RAD51B: variants seen among roughly 807,000 people sequenced by gnomAD.
RAD51B encodes the protein DNA repair protein RAD51 homolog 2.
RAD51B carries 38 observed loss-of-function variants against 42.2 expected under a neutral mutation model. The ratio of observed to expected loss-of-function variants is 0.90; its 90% confidence interval spans 0.70 to 1.18. The LOEUF (loss-of-function observed/expected upper bound fraction) is 1.18, where lower values mean the gene tolerates loss of function less well. Among genes scored for constraint, RAD51B ranks in the 50% most tolerant of loss-of-function variants. RAD51B has a pLI of 0.00. For missense variants in RAD51B, 373 were observed against 400.7 expected (o/e 0.93, Z 0.59); for synonymous variants, 154 against 145.2 (o/e 1.06, Z -0.43).
At chr14:67,992,528 T>C (rs1025098006) in intron 7 of RAD51B, among the ~76,000 whole-genome samples, 1 of 152,220 alleles carries the variant, frequency 6.6e-6, no homozygotes, top group African/African-American at 2.4e-5. Context: ...AGATTCAGTC[T>C]ACTCTTTTTG....
At chr14:68,395,075 G>A (rs2083875120) in intron 8 of RAD51B, among the ~76,000 whole-genome samples, 1 of 152,038 alleles carries the variant, frequency 6.6e-6, no homozygotes, top group South Asian at 2.1e-4. Context: ...AGGCTTTGAG[G>A]GCCACATTCT....
At chr14:68,324,734 T>A (rs2082218204) in intron 8 of RAD51B, among the ~76,000 whole-genome samples, 2 of 152,228 alleles carry the variant, frequency 1.3e-5, no homozygotes, top group Non-Finnish European at 2.9e-5. Flanking sequence ...TTTCAAAGTC[T>A]CTGGATTCCT....
chr14:68,239,967 G>C (rs1412177175), intron 7 of RAD51B, among the ~76,000 whole-genome samples: 1 of 152,182 alleles, frequency 6.6e-6, no homozygotes, highest in Non-Finnish European at 1.5e-5. Flanking sequence ...TTTTTACACA[G>C]TCTGTCCATC....
At chr14:67,946,552 G>C (rs1437430547) in intron 7 of RAD51B, among the ~76,000 whole-genome samples, 5 of 152,172 alleles carry the variant, frequency 3.3e-5, no homozygotes, top group Non-Finnish European at 7.4e-5. Flanking sequence ...ATTTTTAGTA[G>C]AGACATGGTT....
At chr14:68,013,243 T>A (rs572044945) in intron 7 of RAD51B, among the ~76,000 whole-genome samples, 47 of 152,306 alleles carry the variant, frequency 3.1e-4, no homozygotes, top group African/African-American at 1.0e-3. Flanking sequence ...GTAGAGTGTC[T>A]GGGTTCCTCA....
chr14:67,876,182 T>C (rs2042720279), intron 5 of RAD51B, among the ~76,000 whole-genome samples: 1 of 350 alleles, frequency 2.9e-3, no homozygotes, highest in Non-Finnish European at 5.7e-3. Flanking sequence ...TATTCAGTAA[T>C]ATATATTGAA....
chr14:68,024,344 T>G (rs1255607262), intron 7 of RAD51B, among the ~76,000 whole-genome samples: 2 of 152,248 alleles, frequency 1.3e-5, no homozygotes, highest in African/African-American at 4.8e-5. Context: ...ATATGAATTT[T>G]AGAATAGTTT....
chr14:68,314,032 C>T (rs893826421), intron 8 of RAD51B, among the ~76,000 whole-genome samples: 3 of 152,080 alleles, frequency 2.0e-5, no homozygotes, highest in Non-Finnish European at 2.9e-5. Context: ...CATCTAGCTT[C>T]CTATTAAGAA....
intron 10 of RAD51B, among the ~76,000 whole-genome samples, chr14:68,488,640 G>A (rs545258936): frequency 6.6e-6 from 1 of 152,272 alleles, no homozygotes; most frequent in Non-Finnish European, 1.5e-5. Flanking sequence ...CCTAGCCTTG[G>A]TGTTTCTTCT....
chr14:68,427,862 A>G (rs1443409262), intron 9 of RAD51B, among the ~76,000 whole-genome samples: 1 of 152,232 alleles, frequency 6.6e-6, no homozygotes, highest in Non-Finnish European at 1.5e-5. Context: ...TGTCCCAAAA[A>G]ATACATGTGT....
intron 8 of RAD51B, among the ~76,000 whole-genome samples, chr14:68,384,583 C>T (rs905800368): frequency 6.6e-6 from 1 of 152,186 alleles, no homozygotes; most frequent in African/African-American, 2.4e-5. Flanking sequence ...CTGGTAGCAG[C>T]GCCTCTCTCC....
At chr14:67,968,220 T>A (rs1447910475) in intron 7 of RAD51B, among the ~76,000 whole-genome samples, 2 of 152,138 alleles carry the variant, frequency 1.3e-5, no homozygotes, top group African/African-American at 2.4e-5. Context: ...TGAAACCATT[T>A]TTTCCTCCTA....
chr14:68,571,279 C>T (rs917157079), intron 10 of RAD51B, among the ~76,000 whole-genome samples: 5 of 152,204 alleles, frequency 3.3e-5, no homozygotes, highest in Non-Finnish European at 4.4e-5. Context: ...TGCTGCCATA[C>T]AAACTTAGTA....
chr14:68,494,202 C>T lies in RAD51B; in HGVS notation c.1036+25952C>T, dbSNP rs1884312287. ...GACTGAGGCAGGAGAATCCCTTGAA[C>T]CTGGGAGGCAGAGGTTGTAGTGAGC... On this transcript the variant is annotated intron_variant, in intron 10 of 10. Coordinates refer to the RAD51B transcript ENST00000487270. 2.0e-5 allele frequency among the ~76,000 whole-genome samples: 3 copies of T among 151,200 alleles called. No individual in the cohort carries two copies. In the South Asian group the frequency reaches 6.3e-4, roughly 32 times the overall value.
At position 68,601,229 on chromosome 14, in the gene RAD51B, C is replaced by G. The variant is rs75687822; in HGVS notation, c.1037-9777C>G. 0.011 allele frequency among the ~76,000 whole-genome samples: 1,714 copies of G among 151,386 alleles called. 79 individuals are homozygous for G. The East Asian group carries it at 0.12, about 10-fold the overall frequency. ...TCTCATAGCCACGTCTCACCAGTAA[C>G]TTTTTTTTTGGTGGGGGGGTGGGTC... On this transcript the variant is annotated intron_variant, in intron 10 of 10. Transcript: ENST00000487861.
chr14:68,457,153 T>A (rs917783491), intron 9 of RAD51B, among the ~76,000 whole-genome samples: 13 of 151,948 alleles, frequency 8.6e-5, no homozygotes, highest in South Asian at 4.2e-4. Flanking sequence ...CCTCAAGTGA[T>A]CTGCTCACCT....
chr14:67,910,017 G>A (rs1175129447), intron 7 of RAD51B, among the ~76,000 whole-genome samples: 1 of 152,062 alleles, frequency 6.6e-6, no homozygotes, highest in Admixed American at 6.5e-5. Flanking sequence ...AACTTGACAG[G>A]CCTTTGTTTA....
At chr14:68,535,890 G>C (rs912815359) in intron 10 of RAD51B, among the ~76,000 whole-genome samples, 2 of 152,196 alleles carry the variant, frequency 1.3e-5, no homozygotes, top group African/African-American at 2.4e-5. Context: ...AGGACCCACA[G>C]TGCACTGGTA....
chr14:68,196,547 A>T (rs2079377735), intron 7 of RAD51B, among the ~76,000 whole-genome samples: 1 of 152,160 alleles, frequency 6.6e-6, no homozygotes, highest in Non-Finnish European at 1.5e-5. Context: ...AATTGCTATT[A>T]TTCTATGGGT....
Sources: gnomAD v4.1 joint callset for allele counts (sites outside exome capture counted in the v4.1 genomes callset) on GRCh38, gnomAD v4.1.1 for gene constraint, MANE v1.5 for transcripts, NCBI Gene and HGNC (gene_info 2026-07-23, HGNC 2026-07-21) for gene names.